CTNNA2: variants seen among roughly 807,000 people sequenced by gnomAD.
CTNNA2 encodes the protein catenin alpha-2.
Under a neutral mutation model 101.0 loss-of-function variants are expected in CTNNA2, and 42 were observed. The observed-to-expected ratio is 0.42, with a 90% confidence interval of 0.32 to 0.54. CTNNA2 has a LOEUF of 0.54. Among genes scored for constraint, CTNNA2 ranks in the 20% least tolerant of loss-of-function variants. The pLI is 0.14. For missense variants in CTNNA2, 871 were observed against 1,223.1 expected (o/e 0.71, Z 4.29); for synonymous variants, 450 against 456.4 (o/e 0.99, Z 0.18).
chr2:79,512,791 G>C (rs1483666400), upstream of CTNNA2, among the ~76,000 whole-genome samples: 1 of 151,326 alleles, frequency 6.6e-6, no homozygotes, highest in East Asian at 2.0e-4. Context: ...GCCCTTTCGG[G>C]CGCTCCCCAG....
chr2:80,470,850 G>A (rs1461907573), intron 9 of CTNNA2, among the ~76,000 whole-genome samples: 4 of 152,186 alleles, frequency 2.6e-5, no homozygotes, highest in Non-Finnish European at 5.9e-5. Flanking sequence ...TCTGGAGACA[G>A]ATAAAAAAGG....
At chr2:79,477,136 T>TTTTCTTTTTA (rs1484967717) in intron 4 of CTNNA2, among the ~76,000 whole-genome samples, 1 of 151,334 alleles carries the variant, frequency 6.6e-6, no homozygotes, top group Non-Finnish European at 1.5e-5. Flanking sequence ...CATCATTTCT[T>TTTTCTTTTTA]TTTCTTTTTA....
chr2:79,834,873 G>T (rs1679197376), intron 3 of CTNNA2, among the ~76,000 whole-genome samples: 1 of 151,788 alleles, frequency 6.6e-6, no homozygotes, highest in Non-Finnish European at 1.5e-5. Flanking sequence ...TTTACTCTTT[G>T]AATTAAAGTC....
chr2:80,188,786 A>C (rs1352976808), intron 7 of CTNNA2, among the ~76,000 whole-genome samples: 2 of 152,150 alleles, frequency 1.3e-5, no homozygotes, highest in Admixed American at 6.5e-5. Flanking sequence ...CCCCGTCTCA[A>C]GATCTTTAAT....
intron 2 of CTNNA2, among the ~76,000 whole-genome samples, chr2:79,665,999 C>T (rs1031741858): frequency 6.6e-6 from 1 of 152,186 alleles, no homozygotes; most frequent in African/African-American, 2.4e-5. Context: ...TCCCAGTTTA[C>T]ACTGTTGACT....
rs1260143215 is a variant in CTNNA2, at chr2:80,648,010, G to C, written c.*138G>C. On this transcript the variant is annotated 3_prime_UTR_variant, in exon 19 of 19. Coordinates refer to ENST00000402739, the MANE Select transcript of CTNNA2 (RefSeq NM_001282597.3). ...TTAAGGGAACAGTGTCTGTTTGCAT[G>C]TAAGATGAGATGAGATCAATACTAC... The C allele has an allele frequency of 1.7e-5, 13 of 782,276 alleles. No homozygotes were observed. The East Asian group carries it at 2.5e-4, about 15-fold the overall frequency. 48.5% of individuals were successfully genotyped at this position (782,276 alleles called of 1,614,324 possible).
chr2:79,488,305 T>G (rs1573189332), intron 4 of CTNNA2, among the ~76,000 whole-genome samples: 1 of 105,466 alleles, frequency 9.5e-6, no homozygotes, highest in Non-Finnish European at 2.0e-5. Flanking sequence ...GCAACAAGAG[T>G]GAAACTCCAT....
At chr2:79,876,281 T>C (rs553119058) in intron 6 of CTNNA2, among the ~76,000 whole-genome samples, 179 of 152,290 alleles carry the variant, frequency 1.2e-3, no homozygotes, top group Non-Finnish European at 2.2e-3. Context: ...CAGGGAAAAG[T>C]AAATGAGCAG....
At chr2:79,392,145 G>C (rs868498246) in intron 4 of CTNNA2, among the ~76,000 whole-genome samples, 3 of 152,178 alleles carry the variant, frequency 2.0e-5, no homozygotes, top group Non-Finnish European at 4.4e-5. Context: ...ATCCATAACA[G>C]TGTCTTTTCC....
intron 7 of CTNNA2, among the ~76,000 whole-genome samples, chr2:80,197,579 G>C (rs1706917870): frequency 1.3e-5 from 2 of 152,034 alleles, no homozygotes; most frequent in South Asian, 4.2e-4. Flanking sequence ...GAATCTTTTT[G>C]ACTCCCAAGT....
At chr2:79,310,613 G>A (rs1476262354) in intron 2 of CTNNA2, among the ~76,000 whole-genome samples, 1 of 152,142 alleles carries the variant, frequency 6.6e-6, no homozygotes, top group Admixed American at 6.5e-5. Context: ...AAAGAAACTT[G>A]GGTGCTGCAA....
In CTNNA2 at chr2:80,648,684, A is replaced by AAGTT. The variant is rs1425486787; in HGVS notation, c.*815_*818dup. The stretch of plus-strand genomic sequence containing the variant: ...AGGGAAGGAAACTGACAACGTGTGA[A>AAGTT]AGTTAGAGGCAAATACATAGGTGTA... On this transcript the variant is annotated 3_prime_UTR_variant, in exon 19 of 19. Coordinates refer to ENST00000402739, the MANE Select transcript of CTNNA2 (RefSeq NM_001282597.3). The AAGTT allele has an allele frequency of 1.3e-5, 2 of 152,132 alleles. No individual in the cohort carries two copies. The highest frequency in any genetic ancestry group is 1.9e-4 in the East Asian group (1 of 5,180). The allele number at this position is 152,132 out of a possible 1,614,324, so 9.4% of individuals were successfully genotyped here. A position where few individuals can be genotyped will look rare whatever the true frequency, so the allele number is the denominator to read the frequency against.
intron 12 of CTNNA2, among the ~76,000 whole-genome samples, chr2:80,570,088 G>A (rs1694446439): frequency 1.3e-5 from 2 of 152,068 alleles, no homozygotes; most frequent in African/African-American, 4.8e-5. Flanking sequence ...TCGCTCTGTT[G>A]CCCAGGCTGA....
At chr2:80,174,763 C>A (rs777593545) in intron 7 of CTNNA2, among the ~76,000 whole-genome samples, 1 of 152,130 alleles carries the variant, frequency 6.6e-6, no homozygotes, top group Non-Finnish European at 1.5e-5. Flanking sequence ...CCTTCCATAT[C>A]ACTTCCATGT....
intron 7 of CTNNA2, among the ~76,000 whole-genome samples, chr2:80,300,616 TTC>T (rs947612134): frequency 6.6e-6 from 1 of 151,890 alleles, no homozygotes; most frequent in South Asian, 2.1e-4. Flanking sequence ...CTATTTGGAC[TTC>T]TCTCTCTCAA....
chr2:80,484,259 A>G (rs1339502118), intron 9 of CTNNA2, among the ~76,000 whole-genome samples: 2 of 152,204 alleles, frequency 1.3e-5, no homozygotes, highest in Non-Finnish European at 2.9e-5. Flanking sequence ...ACTGATTTAT[A>G]ACACGTACCT....
intron 7 of CTNNA2, among the ~76,000 whole-genome samples, chr2:79,968,254 G>C (rs1028405192): frequency 1.1e-4 from 16 of 152,022 alleles, no homozygotes; most frequent in African/African-American, 3.6e-4. Context: ...CCCTCATCTA[G>C]AGTAGCTGAA....
chr2:79,273,059 T>C (rs1363177791), intron 2 of CTNNA2, among the ~76,000 whole-genome samples: 1 of 152,062 alleles, frequency 6.6e-6, no homozygotes, highest in Non-Finnish European at 1.5e-5. Context: ...TCTACTAAAT[T>C]TGCTTGTCTT....
intron 12 of CTNNA2, among the ~76,000 whole-genome samples, chr2:80,565,545 G>A (rs143890974): frequency 8.1e-4 from 122 of 151,186 alleles, no homozygotes; most frequent in South Asian, 1.9e-3. Context: ...ATGGTGAATC[G>A]TGTGGTTGTA....
Sources: allele counts gnomAD v4.1 joint callset (sites outside exome capture counted in the v4.1 genomes callset), GRCh38; gene constraint gnomAD v4.1.1; transcripts MANE v1.5; gene names NCBI Gene and HGNC (gene_info 2026-07-23, HGNC 2026-07-21).